Variants in LRP5 observed in about 807,000 individuals in gnomAD.
LRP5 encodes the protein LDL receptor related protein 5, also known as low-density lipoprotein receptor-related protein 5.
A neutral mutation model predicts 154.1 loss-of-function variants in LRP5; 62 were observed. That is an observed-to-expected ratio of 0.40 (90% confidence interval 0.33 to 0.50). LRP5 has a LOEUF of 0.50. LRP5 is among the 20% of genes least tolerant of loss of function. The pLI is 0.55. For missense variants in LRP5, 1,915 were observed against 2,336.7 expected (o/e 0.82, Z 3.72); for synonymous variants, 966 against 1,011.5 (o/e 0.96, Z 0.85).
At chr11:68,414,581 G>T (rs969728553) in intron 12 of LRP5, among the ~76,000 whole-genome samples, 5 of 152,202 alleles carry the variant, frequency 3.3e-5, no homozygotes, top group African/African-American at 1.2e-4. Flanking sequence ...TTGTTCTCAT[G>T]TCAGTGATGA....
chr11:68,434,069 C>A (rs2098673496), intron 18 of LRP5, among the ~76,000 whole-genome samples: 1 of 152,194 alleles, frequency 6.6e-6, no homozygotes, highest in South Asian at 2.1e-4. Flanking sequence ...TCTCACCTTC[C>A]TGCATTAGGT....
rs766219994 is a variant in LRP5, at chr11:68,386,952, T to C, written c.1412+240T>C. Among the ~76,000 whole-genome samples, 2 of 152,170 alleles carry C rather than the reference T, an allele frequency of 1.3e-5. No homozygotes were observed. Among genetic ancestry groups the C allele is most frequent in the African/African-American group, 2.4e-5 (1 of 41,428 alleles). On this transcript the variant is annotated intron_variant, in intron 6 of 22. Coordinates refer to ENST00000294304, the MANE Select transcript of LRP5 (RefSeq NM_002335.4). This position sits in a 1 kb window ranked among gnomAD's most constrained non-coding sequence, Gnocchi z 7.9. ...TGGTCCGGTGCTGCTGCTGGGTCCATGCGTAGAAAGCCCTGGAGACCTGGA... is the reference window on the plus strand; with the variant it reads ...TGGTCCGGTGCTGCTGCTGGGTCCACGCGTAGAAAGCCCTGGAGACCTGGA...
rs202194492 is a variant in LRP5 at position 68,328,911 on chromosome 11, G to A, written c.91+16106G>A. 3.3e-5 allele frequency among the ~76,000 whole-genome samples: 5 copies of A among 152,372 alleles called. No homozygotes were observed. The East Asian group carries it at 9.6e-4, about 29-fold the overall frequency. ...GAGTTGGTGGCTTCACGAGGGTCCA[G>A]TGGGGCACAGACCTTCCTCGGCTGC... is the stretch of plus-strand genomic sequence containing the variant. On this transcript the variant is annotated intron_variant, in intron 1 of 22. Transcript: ENST00000294304.
At position 68,423,773 on chromosome 11, in the gene LRP5, C is replaced by G; in HGVS notation, c.3236+76C>G. The G allele has an allele frequency of 2.8e-6, 4 of 1,425,824 alleles. No individual in the cohort carries two copies. The highest frequency in any genetic ancestry group is 3.9e-6 in the Non-Finnish European group (4 of 1,036,432). 88.3% of individuals were successfully genotyped at this position (1,425,824 alleles called of 1,614,324 possible). On this transcript the variant is annotated intron_variant, in intron 14 of 22. Transcript: ENST00000294304. This position sits in a 1 kb window ranked among gnomAD's most constrained non-coding sequence, Gnocchi z 4.7. ...CGTGTCTTCTGCCGAATGCCAGCCT[C>G]TCACAGGCTGGGGAGACTTTCCACC...
chr11:68,432,319 G>C (rs146984779), intron 17 of LRP5, among the ~76,000 whole-genome samples: 3 of 152,202 alleles, frequency 2.0e-5, no homozygotes, highest in Admixed American at 6.5e-5. Context: ...TCCAGCCACC[G>C]GTCCTCCGTG....
At chr11:68,340,910 A>G (rs1413894336) in intron 1 of LRP5, among the ~76,000 whole-genome samples, 10 of 152,108 alleles carry the variant, frequency 6.6e-5, no homozygotes, top group African/African-American at 2.4e-4. Flanking sequence ...TCTAGTAGAA[A>G]TCATGGTTCA....
chr11:68,387,154 G>A (rs1464844324), intron 6 of LRP5, among the ~76,000 whole-genome samples: 6 of 149,774 alleles, frequency 4.0e-5, no homozygotes, highest in Admixed American at 6.7e-5. Flanking sequence ...TCACTCTGTC[G>A]CCCAGGCTGG....
chr11:68,365,662 G>C lies in LRP5; in HGVS notation c.975G>C (p.Thr325=), dbSNP rs765854475. The C allele has an allele frequency of 1.2e-6, 2 of 1,612,636 alleles. No homozygotes were observed. Among genetic ancestry groups the C allele is most frequent in the South Asian group, 1.1e-5 (1 of 91,040 alleles). ...CTTTCTACACATGCGCCTGCCCCAC[G>C]GGTGTGCAGCTGCAGGACAACGGCA... ...SEPFYTCACP[T]GVQLQDNGRT... is the part of the protein sequence containing the mutation. Residue 325 remains threonine (T), a synonymous_variant, in exon 5 of 23, where the codon ACG becomes ACC. Transcript: ENST00000294304.
chr11:68,436,949 A>T lies in LRP5; in HGVS notation c.4061A>T (p.Gln1354Leu), dbSNP rs772918826. ...GGCCAGTGTGTCCTCATCAAACAGCAGTGCGACTCCTTCCCCGACTGTATC... is the reference window on the plus strand; with the variant it reads ...GGCCAGTGTGTCCTCATCAAACAGCTGTGCGACTCCTTCCCCGACTGTATC... ...ASGQCVLIKQ[Q>L]CDSFPDCIDG... is the part of the protein sequence containing the mutation. Residue 1354 changes from glutamine (Q) to leucine (L), a missense_variant, in exon 19 of 23, where the codon CAG becomes CTG. Gln to Leu is a moderately radical substitution (Grantham distance 113, BLOSUM62 -2). Around this residue, in one of 3 missense-constraint regions of LRP5, gnomAD observed 1,094 missense variants for 1,210.1 expected, o/e 0.90. Transcript: ENST00000294304. The T allele has an allele frequency of 6.2e-7, 1 of 1,613,934 alleles. No individual in the cohort carries two copies. The highest frequency in any genetic ancestry group is 8.5e-7 in the Non-Finnish European group (1 of 1,179,974).
Position 68,353,936 on chromosome 11 carries a change from C to T in LRP5, c.489-3714C>T, listed in dbSNP as rs916868928. Among the ~76,000 whole-genome samples, 1 of 152,172 alleles carries T rather than the reference C, an allele frequency of 6.6e-6. No individual in the cohort carries two copies. Among genetic ancestry groups the T allele is most frequent in the Non-Finnish European group, 1.5e-5 (1 of 68,022 alleles). Reference sequence around the variant, plus strand: ...GAGGGAAGGCACATCCCTCCCAGGCCCAGGGTACCCATGTGGGTGGCAGAG... The same window carrying T: ...GAGGGAAGGCACATCCCTCCCAGGCTCAGGGTACCCATGTGGGTGGCAGAG... On this transcript the variant is annotated intron_variant, in intron 2 of 22. Transcript: ENST00000294304. This position sits in a 1 kb window ranked among gnomAD's most constrained non-coding sequence, Gnocchi z 4.5.
At chr11:68,431,934 C>T (rs920959405) in intron 17 of LRP5, among the ~76,000 whole-genome samples, 32 of 152,178 alleles carry the variant, frequency 2.1e-4, no homozygotes, top group African/African-American at 7.5e-4. Context: ...GCTCGAGAGA[C>T]GTGTATTTAC....
chr11:68,338,873 T>TTTG (rs2098607216), intron 1 of LRP5, among the ~76,000 whole-genome samples: 1 of 136,338 alleles, frequency 7.3e-6, no homozygotes, highest in African/African-American at 2.7e-5. Context: ...TTTAGTTTTT[T>TTTG]TTTTTTTTTT....
chr11:68,332,144 T>A (rs1037329899), intron 1 of LRP5, among the ~76,000 whole-genome samples: 27 of 152,030 alleles, frequency 1.8e-4, no homozygotes, highest in African/African-American at 6.5e-4. Flanking sequence ...GCTCCTCCGC[T>A]CTTGTGGTCG....
chr11:68,433,579 G>C, intron 17 of LRP5, 23 bp from the exon 18 acceptor site: 2 of 1,599,438 alleles, frequency 1.3e-6, no homozygotes, highest in Admixed American at 3.3e-5. Flanking sequence ...TGCGTGTGAT[G>C]TTCTCCTCTG....
chr11:68,313,293 G>A (rs901840934), intron 1 of LRP5, among the ~76,000 whole-genome samples: 1 of 152,078 alleles, frequency 6.6e-6, no homozygotes, highest in South Asian at 2.1e-4. Flanking sequence ...CCGGGCGCGG[G>A]GCGGCCTGGC....
chr11:68,390,099 A>AC, intron 7 of LRP5, 47 bp downstream of exon 7: 1 of 1,603,748 alleles, frequency 6.2e-7, no homozygotes, highest in Non-Finnish European at 8.5e-7. Flanking sequence ...AGGCCCAGCC[A>AC]CCCCCTGCAG....
At chr11:68,382,889 T>C (rs1415993019) in intron 5 of LRP5, among the ~76,000 whole-genome samples, 6 of 151,958 alleles carry the variant, frequency 3.9e-5, no homozygotes, top group African/African-American at 1.5e-4. Flanking sequence ...TGATTTTTTT[T>C]TTTTTCGAGA....
At chr11:68,372,381 G>A (rs1235509080) in intron 5 of LRP5, among the ~76,000 whole-genome samples, 3 of 101,770 alleles carry the variant, frequency 2.9e-5, no homozygotes, top group East Asian at 7.0e-4. Context: ...ACCCGGGACC[G>A]TGGTGGTGTT....
chr11:68,434,314 T>G (rs974312898), intron 18 of LRP5, among the ~76,000 whole-genome samples: 5 of 152,150 alleles, frequency 3.3e-5, no homozygotes, highest in Non-Finnish European at 7.4e-5. Context: ...ATCTTGACAG[T>G]GAAACACATC....
Sources: allele counts gnomAD v4.1 joint callset (sites outside exome capture counted in the v4.1 genomes callset), GRCh38; gene constraint gnomAD v4.1.1; regional missense constraint gnomAD v4.1.1; non-coding constraint Gnocchi (gnomAD v3.1); transcripts MANE v1.5; gene names NCBI Gene and HGNC (gene_info 2026-07-23, HGNC 2026-07-21).